The following APPL2 variants were observed in gnomAD, a reference collection of about 807,000 sequenced individuals.
APPL2 encodes DCC-interacting protein 13-beta.
In APPL2, 84 loss-of-function variants were observed where a neutral mutation model predicts 92.7. The observed-to-expected ratio is 0.91, with a 90% confidence interval of 0.76 to 1.09. The LOEUF (loss-of-function observed/expected upper bound fraction) is 1.09, where lower values mean the gene tolerates loss of function less well. APPL2 is among the 50% of genes least tolerant of loss of function. The probability of loss-of-function intolerance (pLI) is 0.00; values close to 1 mark genes in which losing one functional copy is unlikely to be tolerated. For missense variants in APPL2, 736 were observed against 824.5 expected (o/e 0.89, Z 1.31); for synonymous variants, 291 against 291.0 (o/e 1.00, Z 0.00).
intron 11 of APPL2, among the ~76,000 whole-genome samples, 182 bp downstream of exon 11, chr12:105,197,583 C>T (rs1887771740): frequency 6.6e-6 from 1 of 152,206 alleles, no homozygotes; most frequent in African/African-American, 2.4e-5. Context: ...CAGGCTGGAT[C>T]CCTTATGGGT....
In APPL2 at chr12:105,188,255, A is replaced by G. The variant is rs954974637; in HGVS notation, c.1634+18T>C. ...TAGCTGAAGCCATAAGAAAGTCTGAAAATAAAACTGAACGTACCTCAAAGA... is the reference window on the plus strand; with the variant it reads ...TAGCTGAAGCCATAAGAAAGTCTGAGAATAAAACTGAACGTACCTCAAAGA... On this transcript the variant is annotated intron_variant, in intron 17 of 20. Transcript: ENST00000258530. The G allele has an allele frequency of 1.2e-6, 2 of 1,613,116 alleles. No homozygotes were observed. The highest frequency in any genetic ancestry group is 2.7e-5 in the African/African-American group (2 of 75,046).
intron 8 of APPL2, among the ~76,000 whole-genome samples, chr12:105,205,996 T>C (rs1888666554): frequency 6.6e-6 from 1 of 152,196 alleles, no homozygotes; most frequent in Non-Finnish European, 1.5e-5. Context: ...CTGACTTCAG[T>C]GAACTCACCA....
rs565795998 is a variant in APPL2, at chr12:105,204,933, G to A, written c.622-1148C>T. The stretch of plus-strand genomic sequence containing the variant: ...CACTGTTCCGTTCTCAAAAACCTGC[G>A]CACTGATTACAGAGCCTCAGTTTGC... On this transcript the variant is annotated intron_variant, in intron 8 of 20. Transcript: ENST00000258530. Among the ~76,000 whole-genome samples the A allele has an allele frequency of 4.6e-5, 7 of 152,270 alleles. No individual in the cohort carries two copies. In the South Asian group the frequency reaches 1.5e-3, roughly 32 times the overall value.
At chr12:105,185,102 TC>T (rs1014206638) in intron 17 of APPL2, among the ~76,000 whole-genome samples, 1 of 151,648 alleles carries the variant, frequency 6.6e-6, no homozygotes, top group Non-Finnish European at 1.5e-5. Flanking sequence ...CGGATGCCCC[TC>T]CCCCCCACCA....
At chr12:105,176,522 G>C in intron 19 of APPL2, 1 of 413,432 alleles carries the variant, frequency 2.4e-6, no homozygotes, top group Non-Finnish European at 4.2e-6. Context: ...TATCTTCCTT[G>C]GTTTTCTCTC....
At chr12:105,195,753 G>T in intron 11 of APPL2, 126 bp from the exon 12 acceptor site, 1 of 1,049,186 alleles carries the variant, frequency 9.5e-7, no homozygotes, top group Non-Finnish European at 1.4e-6. Context: ...TGATGAGAGG[G>T]AAAGAAAATG....
intron 4 of APPL2, among the ~76,000 whole-genome samples, chr12:105,212,448 A>C (rs1012189757): frequency 1.3e-5 from 2 of 152,272 alleles, no homozygotes; most frequent in African/African-American, 4.8e-5. Context: ...CACTTTACAG[A>C]CATGCAAATA....
intron 4 of APPL2, among the ~76,000 whole-genome samples, chr12:105,216,131 T>C (rs1174494597): frequency 6.6e-6 from 1 of 152,230 alleles, no homozygotes; most frequent in Non-Finnish European, 1.5e-5. Context: ...AATTAGAATT[T>C]ATGCACTTTT....
rs796494061 is a variant in APPL2 at position 105,211,421 on chromosome 12, G to A, written c.286-104C>T. The A allele has an allele frequency of 3.4e-5, 27 of 794,936 alleles. No homozygotes were observed. In the African/African-American group the frequency reaches 3.8e-4, roughly 11 times the overall value. 49.2% of individuals were successfully genotyped at this position (794,936 alleles called of 1,614,324 possible). On this transcript the variant is annotated intron_variant, in intron 4 of 20. Transcript: ENST00000258530. ...CACTGAACACTTCCGTGTGGTCACAGAGCTCAGGCAGACTTCCTCAGCAAG... is the reference window on the plus strand; with the variant it reads ...CACTGAACACTTCCGTGTGGTCACAAAGCTCAGGCAGACTTCCTCAGCAAG...
chr12:105,192,440 T>C (rs1228337142), intron 14 of APPL2, among the ~76,000 whole-genome samples: 1 of 152,144 alleles, frequency 6.6e-6, no homozygotes, highest in East Asian at 1.9e-4. Context: ...ACATGCTTCC[T>C]TCTTGATCGA....
chr12:105,224,252 G>C (rs1890333206), intron 2 of APPL2, among the ~76,000 whole-genome samples: 1 of 152,178 alleles, frequency 6.6e-6, no homozygotes, highest in Non-Finnish European at 1.5e-5. Flanking sequence ...GCCTCAATGT[G>C]ACTGGTTTTC....
At chr12:105,230,726 A>G (rs1016235000) in intron 1 of APPL2, among the ~76,000 whole-genome samples, 1 of 152,242 alleles carries the variant, frequency 6.6e-6, no homozygotes, top group Non-Finnish European at 1.5e-5. Flanking sequence ...ACTCTGCTCC[A>G]AAACTCTGAT....
intron 2 of APPL2, among the ~76,000 whole-genome samples, chr12:105,228,872 T>TA (rs940784444): frequency 1.4e-4 from 21 of 149,240 alleles, no homozygotes; most frequent in South Asian, 4.2e-4. Context: ...GGGTTGAATT[T>TA]AAAAAAAAAA....
chr12:105,227,627 C>T (rs997787694), intron 2 of APPL2, among the ~76,000 whole-genome samples: 3 of 152,116 alleles, frequency 2.0e-5, no homozygotes, highest in Admixed American at 6.6e-5. Context: ...ATCACCAATC[C>T]ACCTCCTAAA....
At position 105,196,425 on chromosome 12, in the gene APPL2, C is replaced by CT. The variant is rs59820038; in HGVS notation, c.1053-799dup. On this transcript the variant is annotated intron_variant, in intron 11 of 20. Coordinates refer to ENST00000258530, the MANE Select transcript of APPL2 (RefSeq NM_018171.5). The stretch of plus-strand genomic sequence containing the variant: ...CCCTACCTTTGTGGAGGCGTTAACT[C>CT]TTTTTTTTTTTTTTTTTTTTTTTTT... Among the ~76,000 whole-genome samples, 292 of 83,842 alleles carry CT rather than the reference C, an allele frequency of 3.5e-3. 14 individuals are homozygous for CT. Among genetic ancestry groups the CT allele is most frequent in the Non-Finnish European group, 5.3e-3 (225 of 42,582 alleles). 55.0% of individuals were successfully genotyped at this position (83,842 alleles called of 152,430 possible). A position where few individuals can be genotyped will look rare whatever the true frequency, so the allele number is the denominator to read the frequency against.
At chr12:105,181,849 CTCTTT>C (rs1886144146) in intron 17 of APPL2, among the ~76,000 whole-genome samples, 1 of 152,102 alleles carries the variant, frequency 6.6e-6, no homozygotes, top group Non-Finnish European at 1.5e-5. Context: ...TGATTCTTCT[CTCTTT>C]TCTTCTTTAT....
intron 9 of APPL2, among the ~76,000 whole-genome samples, chr12:105,201,031 C>A (rs1277184455): frequency 6.6e-6 from 1 of 152,148 alleles, no homozygotes; most frequent in Non-Finnish European, 1.5e-5. Context: ...GCCTCAGCCT[C>A]CCAAACAGCT....
At chr12:105,221,595 A>G (rs1418027583) in intron 2 of APPL2, among the ~76,000 whole-genome samples, 2 of 152,238 alleles carry the variant, frequency 1.3e-5, no homozygotes, top group South Asian at 2.1e-4. Flanking sequence ...TAAGTCCCAC[A>G]CTTTTCTAGT....
At chr12:105,227,402 G>C (rs1890593740) in intron 2 of APPL2, among the ~76,000 whole-genome samples, 1 of 152,086 alleles carries the variant, frequency 6.6e-6, no homozygotes, top group Admixed American at 6.5e-5. Flanking sequence ...TATCCACTTT[G>C]ATGTCCCATG....
Sources: gnomAD v4.1 joint callset for allele counts (sites outside exome capture counted in the v4.1 genomes callset) on GRCh38, gnomAD v4.1.1 for gene constraint, MANE v1.5 for transcripts, NCBI Gene and HGNC (gene_info 2026-07-23, HGNC 2026-07-21) for gene names.